LRRIQ1: variants seen among roughly 807,000 people sequenced by gnomAD.
The protein encoded by LRRIQ1 is leucine-rich repeat- and IQ domain-containing protein 1.
Under a neutral mutation model 211.9 loss-of-function variants are expected in LRRIQ1, and 210 were observed. The ratio of observed to expected loss-of-function variants is 0.99; its 90% CI spans 0.89 to 1.11. The LOEUF (loss-of-function observed/expected upper bound fraction) is 1.11. Ranked by LOEUF, LRRIQ1 falls within the 50% of genes most tolerant of loss-of-function variation. LRRIQ1 has a pLI of 0.00. For synonymous variants in LRRIQ1, 699 were observed against 650.1 expected, an observed-to-expected ratio of 1.08 and a Z score of -1.14; for missense variants, 2,136 against 1,939.5, an observed-to-expected ratio of 1.10 and a Z score of -1.90.
intron 19 of LRRIQ1, among the ~76,000 whole-genome samples, chr12:85,146,137 C>A (rs940244675): frequency 1.1e-5 from 1 of 88,852 alleles, no homozygotes; most frequent in African/African-American, 5.5e-5. Flanking sequence ...AGCTGGACTC[C>A]TTCTTTTCCC....
chr12:85,212,047 G>T (rs1468209153), intron 24 of LRRIQ1, among the ~76,000 whole-genome samples: 1 of 151,990 alleles, frequency 6.6e-6, no homozygotes, highest in Non-Finnish European at 1.5e-5. Context: ...TGGGCAGGTT[G>T]CTTGAGTCCA....
At chr12:85,133,477 G>A (rs1379125453) in intron 18 of LRRIQ1, among the ~76,000 whole-genome samples, 4 of 152,074 alleles carry the variant, frequency 2.6e-5, no homozygotes, top group South Asian at 2.1e-4. Context: ...TAATTCTTCC[G>A]AGGGTGTGAC....
intron 8 of LRRIQ1, among the ~76,000 whole-genome samples, chr12:85,058,169 T>C (rs1197429243): frequency 6.6e-6 from 1 of 151,990 alleles, no homozygotes; most frequent in African/African-American, 2.4e-5. Flanking sequence ...GAGAGAATAA[T>C]AAAATAGTGG....
At chr12:85,063,697 A>T (rs1592723377) in intron 8 of LRRIQ1, among the ~76,000 whole-genome samples, 1 of 151,342 alleles carries the variant, frequency 6.6e-6, no homozygotes, top group South Asian at 2.1e-4. Context: ...CCACCCCACT[A>T]CCATTCCAGC....
intron 3 of LRRIQ1, among the ~76,000 whole-genome samples, chr12:85,044,311 T>C (rs1465487356): frequency 2.0e-5 from 3 of 152,044 alleles, no homozygotes; most frequent in Non-Finnish European, 4.4e-5. Context: ...TAATTATAAT[T>C]TTTAAATTAA....
At chr12:85,078,177 C>CCTCT (rs1366135159) in intron 11 of LRRIQ1, among the ~76,000 whole-genome samples, 1 of 151,978 alleles carries the variant, frequency 6.6e-6, no homozygotes, top group Non-Finnish European at 1.5e-5. Flanking sequence ...AAAATTCAGC[C>CCTCT]CTCTCTGAAG....
intron 24 of LRRIQ1, among the ~76,000 whole-genome samples, chr12:85,171,108 A>C (rs1891395223): frequency 6.6e-6 from 1 of 152,152 alleles, no homozygotes; most frequent in South Asian, 2.1e-4. Flanking sequence ...ATTTTAAAAT[A>C]AATGTACATA....
At chr12:85,071,783 G>A (rs545304685) in intron 10 of LRRIQ1, among the ~76,000 whole-genome samples, 5 of 152,000 alleles carry the variant, frequency 3.3e-5, no homozygotes, top group Non-Finnish European at 7.4e-5. Context: ...CTTGTGCAGG[G>A]GAACTCCCAT....
chr12:85,134,617 G>T (rs1000064621), intron 18 of LRRIQ1, among the ~76,000 whole-genome samples: 1 of 152,026 alleles, frequency 6.6e-6, no homozygotes, highest in Admixed American at 6.6e-5. Context: ...AAGAATCGTG[G>T]TTATATCCTT....
intron 11 of LRRIQ1, among the ~76,000 whole-genome samples, chr12:85,087,977 T>C (rs1885000248): frequency 6.6e-6 from 1 of 152,234 alleles, no homozygotes; most frequent in Non-Finnish European, 1.5e-5. Context: ...ATTTTGGCTT[T>C]TGTTGCCATT....
chr12:85,086,244 T>G (rs190005993), intron 11 of LRRIQ1, among the ~76,000 whole-genome samples: 1 of 152,314 alleles, frequency 6.6e-6, no homozygotes, highest in Non-Finnish European at 1.5e-5. Context: ...TGATATAGCT[T>G]AGATATTTGT....
At position 85,146,685 on chromosome 12, in the gene LRRIQ1, T is replaced by G. The variant is rs78695577; in HGVS notation, c.4330-5595T>G. The stretch of plus-strand genomic sequence containing the variant: ...GGTGTTACATTTCAATAGTTATAAC[T>G]TCACCATTTTTCTAATCATTCTGTA... On this transcript the variant is annotated intron_variant, in intron 19 of 26. Coordinates refer to ENST00000393217, the MANE Select transcript of LRRIQ1 (RefSeq NM_001079910.2). 9.3e-3 allele frequency among the ~76,000 whole-genome samples: 1,413 copies of G among 151,896 alleles called. 37 individuals are homozygous for G. Among genetic ancestry groups the G allele is most frequent in the East Asian group, 0.076 (387 of 5,124 alleles).
intron 15 of LRRIQ1, among the ~76,000 whole-genome samples, chr12:85,116,505 C>A (rs1487226483): frequency 2.0e-5 from 3 of 151,604 alleles, no homozygotes; most frequent in Non-Finnish European, 4.4e-5. Context: ...CTTACCCCAA[C>A]CTATCAGCAG....
intron 3 of LRRIQ1, among the ~76,000 whole-genome samples, chr12:85,041,326 G>C (rs1878857128): frequency 6.6e-6 from 1 of 151,624 alleles, no homozygotes; most frequent in Non-Finnish European, 1.5e-5. Flanking sequence ...CAAAGATTCT[G>C]TTTCTCTGTT....
chr12:85,103,023 G>C (rs11116711), intron 13 of LRRIQ1, among the ~76,000 whole-genome samples: 1 of 142,112 alleles, frequency 7.0e-6, no homozygotes, highest in Admixed American at 7.1e-5. Flanking sequence ...TAAAGATTCA[G>C]ATGAGCTGGC....
chr12:85,144,511 T>C (rs962998853), intron 19 of LRRIQ1, among the ~76,000 whole-genome samples: 2 of 151,438 alleles, frequency 1.3e-5, no homozygotes, highest in African/African-American at 4.8e-5. Flanking sequence ...GAAAATAAAG[T>C]GAGGGAATAA....
Position 85,047,336 on chromosome 12 carries a change from G to A in LRRIQ1, c.544G>A (p.Glu182Lys). 4 of 1,608,942 alleles carry A rather than the reference G, an allele frequency of 2.5e-6. No homozygotes were observed. The South Asian group carries it at 3.3e-5, about 13-fold the overall frequency. The change falls in exon 6 of 27, where the codon GAA becomes AAA. Residue 182 changes from glutamate (E) to lysine (K), a missense_variant. Physicochemically the swap from Glu to Lys is moderately conservative, Grantham distance 56. Coordinates refer to ENST00000393217, the MANE Select transcript of LRRIQ1 (RefSeq NM_001079910.2). Reference protein sequence around the residue: ...EAWQEKQKELEDKEKQTLKAQ... With the variant: ...EAWQEKQKELKDKEKQTLKAQ... The stretch of plus-strand genomic sequence containing the variant: ...TTGGCAAGAGAAACAGAAGGAATTA[G>A]AAGATAAAGAGAAACAAACTCTCAA...
At chr12:85,058,263 C>T (rs538283355) in intron 8 of LRRIQ1, among the ~76,000 whole-genome samples, 1 of 151,914 alleles carries the variant, frequency 6.6e-6, no homozygotes, top group South Asian at 2.1e-4. Context: ...CTTTTATTTC[C>T]TGGGTAATGT....
At chr12:85,208,099 G>GTA (rs573866258) in intron 24 of LRRIQ1, among the ~76,000 whole-genome samples, 228 of 150,650 alleles carry the variant, frequency 1.5e-3, no homozygotes, top group Middle Eastern at 6.8e-3. Flanking sequence ...CTATTTTGAG[G>GTA]TATATATATA....
Sources: allele counts gnomAD v4.1 joint callset (sites outside exome capture counted in the v4.1 genomes callset), GRCh38; gene constraint gnomAD v4.1.1; transcripts MANE v1.5; gene names NCBI Gene and HGNC (gene_info 2026-07-23, HGNC 2026-07-21).